PDSS2: variants seen among roughly 807,000 people sequenced by gnomAD.
PDSS2 encodes the protein decaprenyl diphosphate synthase subunit 2.
Under a neutral mutation model 44.5 loss-of-function variants are expected in PDSS2, and 31 were observed. The ratio of observed to expected loss-of-function variants is 0.70; its 90% CI spans 0.52 to 0.94. PDSS2 has a LOEUF of 0.94. Among genes scored for constraint, PDSS2 ranks in the 40% least tolerant of loss-of-function variants. PDSS2 has a pLI of 0.00. For missense variants in PDSS2, 452 were observed against 482.2 expected, an observed-to-expected ratio of 0.94 and a Z score of 0.59; for synonymous variants, 157 against 180.3, an observed-to-expected ratio of 0.87 and a Z score of 1.03.
At chr6:107,332,280 A>AT (rs946955386) in intron 2 of PDSS2, among the ~76,000 whole-genome samples, 16 of 151,850 alleles carry the variant, frequency 1.1e-4, no homozygotes, top group African/African-American at 3.6e-4. Flanking sequence ...AATTTTTTAT[A>AT]TTTTTTGTAG....
intron 7 of PDSS2, among the ~76,000 whole-genome samples, chr6:107,166,431 C>T (rs1771352662): frequency 7.3e-6 from 1 of 137,076 alleles, no homozygotes; most frequent in Non-Finnish European, 1.5e-5. Flanking sequence ...GTGGCGTGAT[C>T]TCGGCTCACT....
chr6:107,266,382 A>G (rs1775411911), intron 3 of PDSS2, among the ~76,000 whole-genome samples: 2 of 145,082 alleles, frequency 1.4e-5, no homozygotes, highest in Admixed American at 1.4e-4. Flanking sequence ...TGAACCCCTG[A>G]GGCATTTTTT....
chr6:107,417,806 CACACACACAT>C (rs1198208994), intron 1 of PDSS2, among the ~76,000 whole-genome samples: 3 of 150,764 alleles, frequency 2.0e-5, no homozygotes, highest in East Asian at 2.0e-4. Context: ...CACACACACA[CACACACACAT>C]ATATACACCT....
chr6:107,219,040 A>G (rs1447518063), intron 4 of PDSS2, among the ~76,000 whole-genome samples: 2 of 151,790 alleles, frequency 1.3e-5, no homozygotes, highest in East Asian at 3.9e-4. Flanking sequence ...CCTGGGTGAC[A>G]AGAGTGAAAC....
chr6:107,453,517 T>C (rs1341889680), intron 1 of PDSS2, among the ~76,000 whole-genome samples: 1 of 152,120 alleles, frequency 6.6e-6, no homozygotes, highest in Non-Finnish European at 1.5e-5. Flanking sequence ...TAAAAATCAG[T>C]TGGGCATATT....
intron 2 of PDSS2, among the ~76,000 whole-genome samples, chr6:107,275,059 C>A (rs1377414824): frequency 6.6e-6 from 1 of 152,108 alleles, no homozygotes; most frequent in Non-Finnish European, 1.5e-5. Flanking sequence ...GACTTTTTAA[C>A]TTTCAGAATA....
chr6:107,226,091 G>C (rs1321856836), intron 4 of PDSS2, among the ~76,000 whole-genome samples: 1 of 152,182 alleles, frequency 6.6e-6, no homozygotes, highest in African/African-American at 2.4e-5. Context: ...GGAGGATCAT[G>C]AGGTCAGGAG....
intron 7 of PDSS2, among the ~76,000 whole-genome samples, chr6:107,170,888 C>T (rs1190281168): frequency 1.3e-5 from 2 of 151,996 alleles, no homozygotes; most frequent in Non-Finnish European, 2.9e-5. Context: ...GCTGGGATTA[C>T]AGGCATGAGC....
At chr6:107,192,651 G>T in intron 7 of PDSS2, 1 of 180,300 alleles carries the variant, frequency 5.5e-6, no homozygotes, top group Non-Finnish European at 1.2e-5. Flanking sequence ...AAACACTCAG[G>T]TCCTGACCTG....
chr6:107,176,978 G>A (rs1479548774), intron 7 of PDSS2, among the ~76,000 whole-genome samples: 6 of 151,202 alleles, frequency 4.0e-5, no homozygotes, highest in Non-Finnish European at 7.4e-5. Context: ...GTGAGACCCT[G>A]TCTCAAAAAA....
At chr6:107,439,277 CA>C (rs1175013245) in intron 1 of PDSS2, among the ~76,000 whole-genome samples, 4 of 152,196 alleles carry the variant, frequency 2.6e-5, no homozygotes, top group African/African-American at 9.6e-5. Flanking sequence ...TTCTGAAAAA[CA>C]GCTCCTGGCT....
rs772881215 is a variant in PDSS2, at chr6:107,274,241, GTAAGA to G, written c.432-19_432-15del. 2.5e-6 allele frequency: 4 copies of G among 1,590,414 alleles called. No individual in the cohort carries two copies. The highest frequency in any genetic ancestry group is 3.5e-6 in the Non-Finnish European group (4 of 1,158,464). The stretch of plus-strand genomic sequence containing the variant: ...AAACTTCTTTGACTAAAACATAAAG[GTAAGA>G]TTTGTTAGAATATCAAGAACACCAT... On this transcript the variant is annotated splice_polypyrimidine_tract_variant and intron_variant, in intron 2 of 7. Coordinates refer to ENST00000369037, the MANE Select transcript of PDSS2 (RefSeq NM_020381.4).
intron 1 of PDSS2, among the ~76,000 whole-genome samples, chr6:107,378,188 A>G (rs981315841): frequency 5.3e-5 from 8 of 150,904 alleles, no homozygotes; most frequent in Non-Finnish European, 8.9e-5. Flanking sequence ...AAAAAAATGA[A>G]TTTTCCCCCT....
chr6:107,424,639 C>T (rs1780932479), intron 1 of PDSS2, among the ~76,000 whole-genome samples: 3 of 152,120 alleles, frequency 2.0e-5, no homozygotes, highest in South Asian at 4.1e-4. Context: ...ATTGCATTCT[C>T]TTTGTCTTCC....
Position 107,182,325 on chromosome 6 carries a change from G to A in PDSS2, c.1041+11497C>T, listed in dbSNP as rs1433866887. On this transcript the variant is annotated intron_variant, in intron 7 of 7. Coordinates refer to ENST00000369037, the MANE Select transcript of PDSS2 (RefSeq NM_020381.4). ...TGTATAATTTATTTATTTTATTTAT[G>A]TATTTATTTATTTATTTGAGACAGA... 4.6e-5 allele frequency among the ~76,000 whole-genome samples: 7 copies of A among 152,144 alleles called. No homozygotes were observed. In the East Asian group the frequency reaches 1.2e-3, roughly 25 times the overall value.
At chr6:107,358,496 T>A (rs565320182) in intron 1 of PDSS2, among the ~76,000 whole-genome samples, 22 of 152,338 alleles carry the variant, frequency 1.4e-4, no homozygotes, top group African/African-American at 3.4e-4. Flanking sequence ...TTTTTCCACT[T>A]ATTCCAGAAG....
At chr6:107,339,960 T>C (rs1319779239) in intron 1 of PDSS2, among the ~76,000 whole-genome samples, 1 of 151,298 alleles carries the variant, frequency 6.6e-6, no homozygotes, top group Non-Finnish European at 1.5e-5. Context: ...ATCATCAGTG[T>C]AGAAAATGAC....
chr6:107,335,255 C>G (rs1278631885), intron 1 of PDSS2, among the ~76,000 whole-genome samples: 1 of 151,914 alleles, frequency 6.6e-6, no homozygotes, highest in African/African-American at 2.4e-5. Context: ...TGTCTATACC[C>G]TATCTCACAA....
rs1770750477 is a variant in PDSS2, at chr6:107,152,614, G to C, written c.*2005C>G. Reference sequence around the variant, plus strand: ...TTTTTTTTTCACACTTGACTTTCAGGTCAACTTTTGAATCTCATTGTACAG... The same window carrying C: ...TTTTTTTTTCACACTTGACTTTCAGCTCAACTTTTGAATCTCATTGTACAG... On this transcript the variant is annotated 3_prime_UTR_variant, in exon 8 of 8. Coordinates refer to ENST00000369037, the MANE Select transcript of PDSS2 (RefSeq NM_020381.4). 6.6e-6 allele frequency: 1 copy of C among 151,590 alleles called. No homozygotes were observed. Among genetic ancestry groups the C allele is most frequent in the African/African-American group, 2.4e-5 (1 of 41,186 alleles). The allele number at this position is 151,590 out of a possible 1,614,324, so 9.4% of individuals were successfully genotyped here.
Sources: gnomAD v4.1 joint callset for allele counts (sites outside exome capture counted in the v4.1 genomes callset) on GRCh38, gnomAD v4.1.1 for gene constraint, MANE v1.5 for transcripts, NCBI Gene and HGNC (gene_info 2026-07-23, HGNC 2026-07-21) for gene names.